Variants in COL22A1 observed in about 807,000 individuals in gnomAD.
COL22A1 encodes the protein collagen type XXII alpha 1 chain, also known as collagen alpha-1(XXII) chain.
COL22A1 carries 221 observed loss-of-function variants against 248.9 expected under a neutral mutation model. The ratio of observed to expected loss-of-function variants is 0.89; its 90% CI spans 0.80 to 0.99. The LOEUF is 0.99. Ranked by LOEUF, COL22A1 falls within the 50% of genes least tolerant of loss-of-function variation. COL22A1 has a pLI of 0.00. For missense variants in COL22A1, 2,240 were observed against 2,179.0 expected (o/e 1.03, Z -0.56); for synonymous variants, 891 against 793.4 (o/e 1.12, Z -2.07).
intron 29 of COL22A1, among the ~76,000 whole-genome samples, chr8:138,715,979 GC>G (rs1201783504): frequency 6.6e-6 from 1 of 152,070 alleles, no homozygotes; most frequent in Non-Finnish European, 1.5e-5. Flanking sequence ...CCACCCCTCA[GC>G]CCCATCTGCC....
chr8:138,599,218 T>C (rs2131820256), intron 60 of COL22A1, among the ~76,000 whole-genome samples: 1 of 152,268 alleles, frequency 6.6e-6, no homozygotes, highest in Middle Eastern at 3.4e-3. Flanking sequence ...GGCAGGCGCC[T>C]GTAGTCCCAG....
At chr8:138,735,889 G>A (rs1218300293) in intron 23 of COL22A1, among the ~76,000 whole-genome samples, 2 of 152,260 alleles carry the variant, frequency 1.3e-5, no homozygotes, top group Non-Finnish European at 1.5e-5. Flanking sequence ...CCCTGCCAAC[G>A]AGGGACGGAC....
At chr8:138,646,314 A>G (rs1822199309) in intron 47 of COL22A1, among the ~76,000 whole-genome samples, 1 of 152,176 alleles carries the variant, frequency 6.6e-6, no homozygotes, top group African/African-American at 2.4e-5. Flanking sequence ...TATTTTTGTC[A>G]TTACTGGGAG....
rs1226896414 is a variant in COL22A1, at chr8:138,825,559, C to T, written c.969+1099G>A. On this transcript the variant is annotated intron_variant, in intron 6 of 64. Coordinates refer to ENST00000303045, the MANE Select transcript of COL22A1 (RefSeq NM_152888.3). ...CTAAATGAATTAGTATTTGTAAAGCCCTCCAAACAATCCCCAGCTCCTACT... is the reference window on the plus strand; with the variant it reads ...CTAAATGAATTAGTATTTGTAAAGCTCTCCAAACAATCCCCAGCTCCTACT... Among the ~76,000 whole-genome samples, 4 of 152,112 alleles carry T rather than the reference C, an allele frequency of 2.6e-5. No individual in the cohort carries two copies. The South Asian group carries it at 8.3e-4, about 32-fold the overall frequency.
At chr8:138,648,074 A>C (rs1184760909) in intron 46 of COL22A1, among the ~76,000 whole-genome samples, 1 of 152,262 alleles carries the variant, frequency 6.6e-6, no homozygotes, top group African/African-American at 2.4e-5. Context: ...CTATCTGATA[A>C]AACATGATAC....
intron 16 of COL22A1, among the ~76,000 whole-genome samples, chr8:138,769,347 G>C (rs1834170192): frequency 6.6e-6 from 1 of 152,182 alleles, no homozygotes; most frequent in East Asian, 1.9e-4. Context: ...GAAGTCTTCA[G>C]GCAGCTCCCA....
In COL22A1 at chr8:138,724,626, G is replaced by C. The variant is rs143768395; in HGVS notation, c.2236C>G (p.Pro746Ala). 3.7e-6 allele frequency: 6 copies of C among 1,614,060 alleles called. No individual in the cohort carries two copies. The highest frequency in any genetic ancestry group is 5.1e-6 in the Non-Finnish European group (6 of 1,180,020). The part of the protein sequence containing the change: ...EIGFPGKPGP[P>A]GPTGPPGKDG... ...TTCCGAACACTCACCGTGGGCCCAG[G>C]AGGTCCAGGCTTTCCCGGGAAGCCG... is the stretch of plus-strand genomic sequence containing the variant. Residue 746 changes from proline (P) to alanine (A), a missense_variant, in exon 25 of 65, where the codon CCT becomes GCT. Physicochemically the swap from Pro to Ala is conservative, Grantham distance 27. Coordinates refer to ENST00000303045, the MANE Select transcript of COL22A1 (RefSeq NM_152888.3).
intron 16 of COL22A1, among the ~76,000 whole-genome samples, chr8:138,771,718 G>A (rs951163468): frequency 4.6e-5 from 7 of 152,184 alleles, no homozygotes; most frequent in Non-Finnish European, 8.8e-5. Context: ...GTTATGGACC[G>A]GACGCTGTTC....
chr8:138,826,747 C>A lies in COL22A1; in HGVS notation c.880G>T (p.Ala294Ser), dbSNP rs372910376. 6.2e-7 allele frequency: 1 copy of A among 1,614,048 alleles called. No homozygotes were observed. The highest frequency in any genetic ancestry group is 8.5e-7 in the Non-Finnish European group (1 of 1,179,960). ...CTGAACCGGAAGGTTGTGACAAAGG[C>A]GTACTCATCAGGTAAACCTTGGGGG... is the stretch of plus-strand genomic sequence containing the variant. ...VFPQGLPDEY[A>S]FVTTFRFRKT... Residue 294 changes from alanine (A) to serine (S), a missense_variant, in exon 6 of 65, where the codon GCC (alanine) becomes TCC (serine). Transcript: ENST00000303045.
intron 57 of COL22A1, among the ~76,000 whole-genome samples, chr8:138,607,352 CAACCCTAG>C (rs1267035651): frequency 2.0e-5 from 3 of 152,108 alleles, no homozygotes; most frequent in Non-Finnish European, 4.4e-5. Context: ...TTTTCTCATC[CAACCCTAG>C]AACCCATTAA....
chr8:138,912,532 G>C (rs1815522610), intron 1 of COL22A1, among the ~76,000 whole-genome samples: 4 of 152,242 alleles, frequency 2.6e-5, no homozygotes, highest in South Asian at 2.1e-4. Context: ...CCTGAGGTCG[G>C]GAGTTGGAGA....
intron 3 of COL22A1, among the ~76,000 whole-genome samples, chr8:138,864,023 C>A (rs575661291): frequency 2.0e-5 from 3 of 152,236 alleles, no homozygotes; most frequent in Admixed American, 1.3e-4. Flanking sequence ...AGCAATGCCG[C>A]TCTTGGGCAC....
intron 31 of COL22A1, among the ~76,000 whole-genome samples, chr8:138,700,939 C>A (rs1827910768): frequency 7.0e-6 from 1 of 143,568 alleles, no homozygotes; most frequent in South Asian, 2.2e-4. Flanking sequence ...GAGCCCAGAT[C>A]ACGCCACTGC....
rs779432681 is a variant in COL22A1, at chr8:138,785,915, C to T, written c.1597-4935G>A. On this transcript the variant is annotated intron_variant, in intron 12 of 64. Transcript: ENST00000303045. ...TGTGGGCTTGTAAGGGAATGGAAGA[C>T]TCCTACTTTAAAATTAGTCTTGTGT... 7.9e-5 allele frequency among the ~76,000 whole-genome samples: 12 copies of T among 152,290 alleles called. No individual in the cohort carries two copies. In the South Asian group the frequency reaches 1.2e-3, roughly 16 times the overall value.
intron 30 of COL22A1, among the ~76,000 whole-genome samples, chr8:138,714,785 C>T (rs1829303191): frequency 6.6e-6 from 1 of 152,146 alleles, no homozygotes; most frequent in African/African-American, 2.4e-5. Context: ...CCATGATGCC[C>T]CCTTGATTTA....
rs1253987258 is a variant in COL22A1, at chr8:138,806,655, G to T, written c.1494+1113C>A. ...GCTTGTCACGCAGGGTTGATTTAGG[G>T]TTTGCTATCACTCATTCAACAAGAA... is the stretch of plus-strand genomic sequence containing the variant. On this transcript the variant is annotated intron_variant, in intron 10 of 64. Coordinates refer to ENST00000303045, the MANE Select transcript of COL22A1 (RefSeq NM_152888.3). 2.0e-5 allele frequency among the ~76,000 whole-genome samples: 3 copies of T among 152,146 alleles called. 1 individual carries two copies. The highest frequency in any genetic ancestry group is 4.4e-5 in the Non-Finnish European group (3 of 68,016).
At chr8:138,648,165 A>T (rs935733762) in intron 46 of COL22A1, among the ~76,000 whole-genome samples, 8 of 152,242 alleles carry the variant, frequency 5.3e-5, no homozygotes, top group Admixed American at 1.3e-4. Flanking sequence ...AATTATTCTT[A>T]GTCAAATCAG....
chr8:138,897,551 GTAATAATAA>G (rs33953970), intron 1 of COL22A1, among the ~76,000 whole-genome samples: 2 of 149,910 alleles, frequency 1.3e-5, no homozygotes, highest in African/African-American at 2.5e-5. Context: ...CTGTCTCAAA[GTAATAATAA>G]TAATAATAAT....
At chr8:138,679,465 C>G in intron 40 of COL22A1, 152 bp downstream of exon 40, 1 of 685,736 alleles carries the variant, frequency 1.5e-6, no homozygotes, top group South Asian at 1.7e-5. Context: ...TGCTATTTCC[C>G]CTTGTCTGGG....
Sources: allele counts gnomAD v4.1 joint callset (sites outside exome capture counted in the v4.1 genomes callset), GRCh38; gene constraint gnomAD v4.1.1; transcripts MANE v1.5; gene names NCBI Gene and HGNC (gene_info 2026-07-23, HGNC 2026-07-21).